SGCD: variants seen among roughly 807,000 people sequenced by gnomAD.
SGCD encodes the protein delta-sarcoglycan.
SGCD carries 18 observed loss-of-function variants against 36.6 expected under a neutral mutation model. The observed-to-expected ratio is 0.49, with a 90% CI of 0.34 to 0.73. The LOEUF (loss-of-function observed/expected upper bound fraction) is 0.73, where lower values mean the gene tolerates loss of function less well. Among genes scored for constraint, SGCD ranks in the 30% least tolerant of loss-of-function variants. SGCD has a pLI of 0.01. For synonymous variants in SGCD, 133 were observed against 130.6 expected (o/e 1.02, Z -0.12); for missense variants, 387 against 346.7 (o/e 1.12, Z -0.92).
intron 3 of SGCD, among the ~76,000 whole-genome samples, chr5:156,166,024 A>G (rs1258100682): frequency 6.6e-6 from 1 of 152,128 alleles, no homozygotes; most frequent in East Asian, 1.9e-4. Flanking sequence ...CTGTTCCTCT[A>G]GTATCTGCAC....
intron 6 of SGCD, among the ~76,000 whole-genome samples, chr5:156,619,687 A>C (rs1762168255): frequency 6.6e-6 from 1 of 152,176 alleles, no homozygotes. Context: ...TTCCACCGTG[A>C]TACCAGGAAT....
At chr5:155,867,803 G>C (rs1755551285), upstream of SGCD, among the ~76,000 whole-genome samples, 2 of 152,136 alleles carry the variant, frequency 1.3e-5, no homozygotes. Context: ...TGAATTCTCA[G>C]AACAATTTTA....
chr5:156,530,384 A>G (rs77373074), intron 4 of SGCD, among the ~76,000 whole-genome samples: 3,338 of 152,308 alleles, frequency 0.022, 40 homozygotes, highest in Non-Finnish European at 0.029. Context: ...TCATTAATGC[A>G]TAGGTATTTA....
intron 7 of SGCD, among the ~76,000 whole-genome samples, chr5:156,653,520 T>C (rs1251701127): frequency 6.7e-6 from 1 of 149,472 alleles, no homozygotes; most frequent in Non-Finnish European, 1.5e-5. Context: ...CCCCTGTTGT[T>C]CAAACTGTGG....
intron 3 of SGCD, among the ~76,000 whole-genome samples, chr5:156,228,414 C>T (rs575464933): frequency 6.6e-6 from 1 of 152,220 alleles, no homozygotes; most frequent in Non-Finnish European, 1.5e-5. Context: ...TCTTTTTAAA[C>T]TGCTATTGAT....
chr5:155,997,432 C>T (rs1581034311), intron 1 of SGCD, among the ~76,000 whole-genome samples: 1 of 152,302 alleles, frequency 6.6e-6, no homozygotes, highest in East Asian at 1.9e-4. Context: ...ACTACAGTAT[C>T]CACCAGATTT....
rs565263202 is a variant in SGCD, at chr5:156,286,374, CAT to C, written c.-43-43157_-43-43156del. Among the ~76,000 whole-genome samples the C allele has an allele frequency of 1.3e-3, 203 of 152,268 alleles. No individual in the cohort carries two copies. In the Middle Eastern group the frequency reaches 0.031, roughly 23 times the overall value. ...ATGCTGCTATAAAGACACATGCACA[CAT>C]ATGTTTATTGTGGCACTATTCACAA... On this transcript the variant is annotated intron_variant, in intron 3 of 9. Coordinates refer to the SGCD transcript ENST00000517913.
the SGCD span, among the ~76,000 whole-genome samples, chr5:155,862,083 C>T: frequency 1.3e-5 from 2 of 152,164 alleles, no homozygotes; most frequent in East Asian, 3.9e-4. Flanking sequence ...GGAGACTTGA[C>T]ACATGTCTCG....
At chr5:156,391,288 G>A (rs1337177761) in intron 3 of SGCD, among the ~76,000 whole-genome samples, 4 of 152,264 alleles carry the variant, frequency 2.6e-5, no homozygotes, top group Admixed American at 6.5e-5. Context: ...TGTGTAGCAC[G>A]CTCTACTATC....
At chr5:155,961,392 G>C (rs777117490) in intron 1 of SGCD, among the ~76,000 whole-genome samples, 2 of 151,928 alleles carry the variant, frequency 1.3e-5, no homozygotes, top group Non-Finnish European at 2.9e-5. Flanking sequence ...TTCAACTGTA[G>C]CTTCAATTTT....
chr5:156,469,984 CT>C (rs1349469758), intron 3 of SGCD, among the ~76,000 whole-genome samples: 3 of 152,168 alleles, frequency 2.0e-5, no homozygotes, highest in Non-Finnish European at 2.9e-5. Context: ...AGAAAATATG[CT>C]GATTATAGAA....
intron 2 of SGCD, among the ~76,000 whole-genome samples, chr5:156,340,981 A>G (rs6894973): frequency 0.81 from 122,746 of 152,190 alleles, 50,100 homozygotes; most frequent in African/African-American, 0.93. Flanking sequence ...ATTATTTGTC[A>G]AAAAGTGCTC....
At chr5:155,868,130 C>T (rs1755557191), upstream of SGCD, among the ~76,000 whole-genome samples, 1 of 151,888 alleles carries the variant, frequency 6.6e-6, no homozygotes, top group African/African-American at 2.4e-5. Context: ...TGACTCACTA[C>T]AACCTCTGCC....
intron 3 of SGCD, among the ~76,000 whole-genome samples, chr5:156,373,004 T>C (rs1028035579): frequency 1.3e-5 from 2 of 152,082 alleles, no homozygotes; most frequent in African/African-American, 4.8e-5. Flanking sequence ...TAGAGAAATG[T>C]AGTGATTTGT....
At chr5:155,809,810 A>G in the SGCD span, among the ~76,000 whole-genome samples, 1 of 152,344 alleles carries the variant, frequency 6.6e-6, no homozygotes, top group South Asian at 2.1e-4. Context: ...GATATTTACA[A>G]TTACTTCATA....
the SGCD span, among the ~76,000 whole-genome samples, chr5:155,832,950 A>G: frequency 6.6e-6 from 1 of 151,598 alleles, no homozygotes; most frequent in East Asian, 1.9e-4. Flanking sequence ...ACGGTGGCTC[A>G]TGCCTATAAT....
intron 3 of SGCD, among the ~76,000 whole-genome samples, chr5:156,469,614 G>T (rs538078267): frequency 6.6e-6 from 1 of 152,132 alleles, no homozygotes; most frequent in South Asian, 2.1e-4. Context: ...TAGCTAATAC[G>T]CATTTATCTT....
chr5:155,943,045 G>A (rs992350189), intron 1 of SGCD, among the ~76,000 whole-genome samples: 10 of 152,156 alleles, frequency 6.6e-5, no homozygotes, highest in African/African-American at 1.9e-4. Context: ...TATTTGTACA[G>A]CTATGATAGA....
the SGCD span, chr5:155,845,633 T>G: frequency 1.3e-5 from 2 of 152,254 alleles, no homozygotes; most frequent in African/African-American, 4.8e-5. Flanking sequence ...CTCATCCTGC[T>G]TAACCATCAG....
Sources: gnomAD v4.1 joint callset for allele counts (sites outside exome capture counted in the v4.1 genomes callset) on GRCh38, gnomAD v4.1.1 for gene constraint, MANE v1.5 for transcripts, NCBI Gene and HGNC (gene_info 2026-07-23, HGNC 2026-07-21) for gene names.